CCDC180: variants seen among roughly 807,000 people sequenced by gnomAD.
The protein encoded by CCDC180 is coiled-coil domain containing 180.
CCDC180 carries 154 observed loss-of-function variants against 209.2 expected under a neutral mutation model. That is an observed-to-expected ratio of 0.74 (90% confidence interval 0.65 to 0.84). CCDC180 has a LOEUF of 0.84. CCDC180 is among the 40% of genes least tolerant of loss of function. CCDC180 has a pLI of 0.00. For missense variants in CCDC180, 1,874 were observed against 1,997.3 expected, an observed-to-expected ratio of 0.94 and a Z score of 1.18; for synonymous variants, 778 against 749.1, an observed-to-expected ratio of 1.04 and a Z score of -0.63.
chr9:97,360,481 C>T (rs937686330), intron 26 of CCDC180, among the ~76,000 whole-genome samples: 16 of 152,160 alleles, frequency 1.1e-4, no homozygotes, highest in African/African-American at 3.4e-4. Flanking sequence ...CTCATCCAGA[C>T]CCCTGCCTCT....
intron 35 of CCDC180, 76 bp downstream of exon 35, chr9:97,374,724 C>A: frequency 8.4e-7 from 1 of 1,191,874 alleles, no homozygotes; most frequent in Non-Finnish European, 1.2e-6. Flanking sequence ...TGGTTAGGGG[C>A]TTGGACTCTG....
In CCDC180 at chr9:97,333,514, T is replaced by TG. The variant is rs1564157928; in HGVS notation, c.2274+2747_2274+2748insG. 3.3e-4 allele frequency among the ~76,000 whole-genome samples: 49 copies of TG among 149,536 alleles called. 1 individual carries two copies. The South Asian group carries it at 5.3e-3, about 16-fold the overall frequency. ...GGTCCTGGGTTTGGGTTTTTTTTTT[T>TG]TTTTTTTTTTTTTTTGGTTTGTAGG... On this transcript the variant is annotated intron_variant, in intron 18 of 36. Coordinates refer to ENST00000529487, the MANE Select transcript of CCDC180 (RefSeq NM_020893.6).
chr9:97,362,435 C>A lies in CCDC180; in HGVS notation c.3896C>A (p.Ala1299Glu). 6.2e-7 allele frequency: 1 copy of A among 1,613,490 alleles called. No homozygotes were observed. The highest frequency in any genetic ancestry group is 2.2e-5 in the East Asian group (1 of 44,878). ...KAVPSASATS[A>E]GSFTPHPKPN... ...GTACCCAGTGCCAGTGCTACCTCTG[C>A]AGGCAGGTAGGACACAAAGCAGCCA... Residue 1299 changes from alanine (A) to glutamate (E), a missense_variant, in exon 28 of 37, where the codon GCA becomes GAA. By Grantham distance (107) the Ala-to-Glu change is moderately radical. Coordinates refer to ENST00000529487, the MANE Select transcript of CCDC180 (RefSeq NM_020893.6).
chr9:97,372,609 C>T (rs1300455609), intron 34 of CCDC180: 4 of 152,318 alleles, frequency 2.6e-5, no homozygotes. Flanking sequence ...ACCTGCAGTC[C>T]CAGCACTTGA....
rs1457647244 is a variant in CCDC180, at chr9:97,377,116, G to A, written c.*222G>A. 7 of 374,058 alleles carry A rather than the reference G, an allele frequency of 1.9e-5. No individual in the cohort carries two copies. The highest frequency in any genetic ancestry group is 3.4e-5 in the Non-Finnish European group (7 of 208,276). The allele number at this position is 374,058 out of a possible 1,614,324, so 23.2% of individuals were successfully genotyped here. On this transcript the variant is annotated 3_prime_UTR_variant, in exon 37 of 37. Coordinates refer to ENST00000529487, the MANE Select transcript of CCDC180 (RefSeq NM_020893.6). The stretch of plus-strand genomic sequence containing the variant: ...CAAGCATGAAAGGGGAATTCCACGT[G>A]GTTAGCAGGGAGGGTGAGTACCAGG...
chr9:97,375,254 C>A (rs1405280158), intron 35 of CCDC180, among the ~76,000 whole-genome samples, 200 bp from the exon 36 acceptor site: 1 of 152,174 alleles, frequency 6.6e-6, no homozygotes, highest in African/African-American at 2.4e-5. Flanking sequence ...CCGTGCACAG[C>A]AATGAGACCA....
At chr9:97,339,608 A>G (rs1264597773) in intron 18 of CCDC180, among the ~76,000 whole-genome samples, 1 of 151,714 alleles carries the variant, frequency 6.6e-6, no homozygotes, top group Non-Finnish European at 1.5e-5. Context: ...CTTCATTTCA[A>G]CCTTGGTGCA....
intron 18 of CCDC180, among the ~76,000 whole-genome samples, chr9:97,337,737 G>A (rs1442807277): frequency 6.6e-6 from 1 of 152,156 alleles, no homozygotes; most frequent in Non-Finnish European, 1.5e-5. Flanking sequence ...CAGAAGGAAT[G>A]GTACTAGCTC....
intron 22 of CCDC180, among the ~76,000 whole-genome samples, chr9:97,352,904 ATTAT>A (rs1257386039): frequency 3.3e-5 from 5 of 151,320 alleles, no homozygotes; most frequent in Admixed American, 6.6e-5. Context: ...TTCAATTTTA[ATTAT>A]TATAGTTTCC....
In CCDC180 at chr9:97,347,165, A is replaced by G; in HGVS notation, c.2499-149A>G. On this transcript the variant is annotated intron_variant, in intron 19 of 36. Coordinates refer to ENST00000529487, the MANE Select transcript of CCDC180 (RefSeq NM_020893.6). ...CAGCAGTGGTATGGTTAAAAGAGTA[A>G]TGGTCCATTTACACAATGAAATGCA... The G allele has an allele frequency of 7.1e-6, 5 of 706,158 alleles. No homozygotes were observed. In the South Asian group the frequency reaches 9.6e-5, roughly 14 times the overall value. The allele number at this position is 706,158 out of a possible 1,614,324, so 43.7% of individuals were successfully genotyped here. A position where few individuals can be genotyped will look rare whatever the true frequency, so the allele number is the denominator to read the frequency against.
rs1423944386 is a variant in CCDC180, at chr9:97,377,003, C to CTG, written c.*110_*111dup. 2.3e-6 allele frequency: 3 copies of CTG among 1,301,212 alleles called. No individual in the cohort carries two copies. Among genetic ancestry groups the CTG allele is most frequent in the Non-Finnish European group, 3.1e-6 (3 of 953,752 alleles). 80.6% of individuals were successfully genotyped at this position (1,301,212 alleles called of 1,614,324 possible). A position where few individuals can be genotyped will look rare whatever the true frequency, so the allele number is the denominator to read the frequency against. On this transcript the variant is annotated 3_prime_UTR_variant, in exon 37 of 37. Coordinates refer to ENST00000529487, the MANE Select transcript of CCDC180 (RefSeq NM_020893.6). ...CCTCCCTCCCTTCATCCCTCCACCC[C>CTG]TGCTCTGTGCCGGGCACTGTAGCTT...
At position 97,350,505 on chromosome 9, in the gene CCDC180, G is replaced by C; in HGVS notation, c.2952G>C (p.Glu984Asp). 6.5e-7 allele frequency: 1 copy of C among 1,536,516 alleles called. No homozygotes were observed. The highest frequency in any genetic ancestry group is 8.7e-7 in the Non-Finnish European group (1 of 1,147,036). ...SLRSFRQYLE[E>D]SLGKLRYSNI... The stretch of plus-strand genomic sequence containing the variant: ...GCAGCTTCCGGCAGTACTTGGAGGA[G>C]AGTCTGGGCAAACTCCGCTACTCAA... Residue 984 changes from glutamate (E) to aspartate (D), a missense_variant, in exon 22 of 37, where the codon GAG becomes GAC. Transcript: ENST00000529487.
intron 8 of CCDC180, among the ~76,000 whole-genome samples, chr9:97,316,124 G>C (rs898780723): frequency 1.3e-5 from 2 of 152,210 alleles, no homozygotes; most frequent in African/African-American, 4.8e-5. Flanking sequence ...TTATCCAATA[G>C]AAGAGTCAAG....
chr9:97,362,552 C>G, intron 28 of CCDC180, 111 bp downstream of exon 28: 1 of 1,473,702 alleles, frequency 6.8e-7, no homozygotes, highest in Non-Finnish European at 9.1e-7. Context: ...CCACAATGCT[C>G]ATGGCTCTGG....
At chr9:97,355,105 C>A in intron 24 of CCDC180, 97 bp downstream of exon 24, 3 of 756,662 alleles carry the variant, frequency 4.0e-6, no homozygotes, top group South Asian at 1.6e-5. Context: ...GTCTCTGTCC[C>A]GTGTGTGGGA....
intron 24 of CCDC180, among the ~76,000 whole-genome samples, chr9:97,355,706 A>G (rs1826563375): frequency 6.6e-6 from 1 of 152,200 alleles, no homozygotes; most frequent in Non-Finnish European, 1.5e-5. Context: ...GGCCTTAACC[A>G]CAAACAGGCC....
intron 21 of CCDC180, 105 bp downstream of exon 21, chr9:97,349,396 G>A: frequency 1.1e-6 from 1 of 941,372 alleles, no homozygotes; most frequent in South Asian, 1.7e-5. Flanking sequence ...AAAGCAGAAG[G>A]CACCTCCAGA....
intron 11 of CCDC180, 87 bp from the exon 12 acceptor site, chr9:97,322,746 G>A (rs1428503093): frequency 2.2e-5 from 24 of 1,080,414 alleles, no homozygotes; most frequent in African/African-American, 4.6e-5. Flanking sequence ...TGCTGTGGAG[G>A]CATTTTGCTC....
intron 34 of CCDC180, 39 bp downstream of exon 34, chr9:97,371,745 G>A: frequency 7.3e-7 from 1 of 1,372,538 alleles, no homozygotes; most frequent in African/African-American, 1.4e-5. Context: ...GGCCCTGGGG[G>A]GCTGGTGAGG....
Sources: allele counts gnomAD v4.1 joint callset (sites outside exome capture counted in the v4.1 genomes callset), GRCh38; gene constraint gnomAD v4.1.1; transcripts MANE v1.5; gene names NCBI Gene and HGNC (gene_info 2026-07-23, HGNC 2026-07-21).